The following TOX variants were observed in gnomAD, a reference collection of about 807,000 sequenced individuals.
The protein encoded by TOX is thymocyte selection-associated high mobility group box protein TOX.
Under a neutral mutation model 53.7 loss-of-function variants are expected in TOX, and 11 were observed. That is an observed-to-expected ratio of 0.20 (90% CI 0.13 to 0.34). The LOEUF (loss-of-function observed/expected upper bound fraction) is 0.34, where lower values mean the gene tolerates loss of function less well. Ranked by LOEUF, TOX falls within the 10% of genes least tolerant of loss-of-function variation. TOX has a pLI of 1.00. For synonymous variants in TOX, 225 were observed against 245.3 expected, an observed-to-expected ratio of 0.92 and a Z score of 0.77; for missense variants, 570 against 664.6, an observed-to-expected ratio of 0.86 and a Z score of 1.56.
chr8:58,936,497 C>T (rs1375635991), intron 3 of TOX, among the ~76,000 whole-genome samples: 2 of 152,104 alleles, frequency 1.3e-5, no homozygotes, highest in East Asian at 1.9e-4. Flanking sequence ...ATCATTTGAG[C>T]CTTTTCAAAC....
intron 3 of TOX, among the ~76,000 whole-genome samples, chr8:58,868,992 G>A (rs1452873175): frequency 2.0e-5 from 3 of 151,820 alleles, no homozygotes; most frequent in Non-Finnish European, 4.4e-5. Context: ...TGAAAGAGGA[G>A]CCATTAATAC....
intron 1 of TOX, among the ~76,000 whole-genome samples, chr8:59,038,994 G>A (rs944383501): frequency 5.3e-5 from 8 of 152,190 alleles, no homozygotes; most frequent in Non-Finnish European, 1.2e-4. Flanking sequence ...TTTGGCCTCA[G>A]GCAAAGGCAC....
At chr8:59,011,220 G>A (rs1190639396) in intron 1 of TOX, among the ~76,000 whole-genome samples, 4 of 152,160 alleles carry the variant, frequency 2.6e-5, no homozygotes, top group Admixed American at 6.5e-5. Flanking sequence ...AAGAGACCAA[G>A]GATTAGTCTG....
chr8:59,064,560 GT>G lies in TOX; in HGVS notation c.102+54325del, dbSNP rs559598362. On this transcript the variant is annotated intron_variant, in intron 1 of 8. Coordinates refer to ENST00000361421, the MANE Select transcript of TOX (RefSeq NM_014729.3). ...ATAATTCTAGAAATCTATTAATGTAGTTTTTTTCAAAAATAAACAAGCTTCT... is the reference window on the plus strand; with the variant it reads ...ATAATTCTAGAAATCTATTAATGTAGTTTTTTCAAAAATAAACAAGCTTCT... 2.7e-3 allele frequency among the ~76,000 whole-genome samples: 418 copies of G among 152,162 alleles called. 1 individual carries two copies. Among genetic ancestry groups the G allele is most frequent in the Middle Eastern group, 0.024 (7 of 292 alleles).
intron 2 of TOX, among the ~76,000 whole-genome samples, chr8:58,955,979 C>T (rs1298727440): frequency 6.6e-6 from 1 of 152,032 alleles, no homozygotes; most frequent in Non-Finnish European, 1.5e-5. Flanking sequence ...AGGTGATCCG[C>T]CCACTTCGGC....
chr8:59,017,327 A>AT (rs1429259045), intron 1 of TOX, among the ~76,000 whole-genome samples: 7 of 152,086 alleles, frequency 4.6e-5, no homozygotes, highest in Admixed American at 1.3e-4. Context: ...CTTTTTCTTT[A>AT]TTTTTTTAAA....
intron 3 of TOX, among the ~76,000 whole-genome samples, chr8:58,894,017 G>A (rs1236933606): frequency 2.6e-5 from 4 of 152,154 alleles, no homozygotes; most frequent in South Asian, 4.1e-4. Context: ...TATAAAAACC[G>A]TTTCCAAGTA....
In TOX at chr8:59,022,634, A is replaced by C. The variant is rs186953263; in HGVS notation, c.103-62626T>G. Among the ~76,000 whole-genome samples the C allele has an allele frequency of 5.9e-5, 9 of 152,274 alleles. No individual in the cohort carries two copies. The East Asian group carries it at 1.7e-3, about 29-fold the overall frequency. On this transcript the variant is annotated intron_variant, in intron 1 of 8. Coordinates refer to ENST00000361421, the MANE Select transcript of TOX (RefSeq NM_014729.3). The stretch of plus-strand genomic sequence containing the variant: ...GGATGATTGATTTGCTTTTGCTTAA[A>C]TTATTTCTGCTTCTTAAAACGTAGC...
chr8:58,964,712 C>T (rs556347459), intron 1 of TOX, among the ~76,000 whole-genome samples: 4 of 152,156 alleles, frequency 2.6e-5, no homozygotes, highest in African/African-American at 7.2e-5. Flanking sequence ...GGGGATAGAA[C>T]TAAGGTCTGG....
chr8:59,096,301 A>G (rs1804711341), intron 1 of TOX, among the ~76,000 whole-genome samples: 1 of 152,196 alleles, frequency 6.6e-6, no homozygotes, highest in South Asian at 2.1e-4. Flanking sequence ...CTGAATCCTT[A>G]TTATGCAGAG....
intron 1 of TOX, among the ~76,000 whole-genome samples, chr8:58,969,074 G>A (rs28637974): frequency 0.014 from 2,059 of 152,204 alleles, 59 homozygotes; most frequent in African/African-American, 0.047. Context: ...AAATTACATC[G>A]TGACTAAGTA....
intron 3 of TOX, among the ~76,000 whole-genome samples, chr8:58,872,466 G>A (rs78143738): frequency 0.069 from 10,483 of 151,356 alleles, 1,241 homozygotes; most frequent in African/African-American, 0.24. Context: ...GAAAGGGAGG[G>A]AAAAAAAAGA....
At chr8:59,108,804 A>T (rs1030257131) in intron 1 of TOX, among the ~76,000 whole-genome samples, 2 of 152,148 alleles carry the variant, frequency 1.3e-5, no homozygotes, top group African/African-American at 4.8e-5. Flanking sequence ...AAAAGCAAGG[A>T]TTACCTTCAA....
At chr8:58,934,266 C>T (rs1440469480) in intron 3 of TOX, among the ~76,000 whole-genome samples, 2 of 152,112 alleles carry the variant, frequency 1.3e-5, no homozygotes, top group African/African-American at 2.4e-5. Flanking sequence ...GGAATCCCTA[C>T]TAACAATAAA....
intron 3 of TOX, among the ~76,000 whole-genome samples, chr8:58,879,071 A>AC (rs1256602956): frequency 1.3e-5 from 2 of 151,750 alleles, no homozygotes; most frequent in Admixed American, 6.6e-5. Context: ...AAAAAAAAAA[A>AC]AACAAAAAAA....
chr8:58,898,116 T>C (rs1182801681), intron 3 of TOX, among the ~76,000 whole-genome samples: 2 of 152,206 alleles, frequency 1.3e-5, no homozygotes, highest in African/African-American at 4.8e-5. Context: ...ATACAGGATA[T>C]ATCTCATAAT....
At chr8:58,971,916 C>T (rs1174651727) in intron 1 of TOX, among the ~76,000 whole-genome samples, 1 of 152,194 alleles carries the variant, frequency 6.6e-6, no homozygotes, top group African/African-American at 2.4e-5. Context: ...GTCTTGAACT[C>T]CTGACCTTAG....
chr8:59,053,842 C>T (rs1351451538), intron 1 of TOX, among the ~76,000 whole-genome samples: 1 of 152,106 alleles, frequency 6.6e-6, no homozygotes, highest in Non-Finnish European at 1.5e-5. Flanking sequence ...TCTAGTAATT[C>T]AAGACCAAGC....
At chr8:58,998,368 G>T (rs1427787419) in intron 1 of TOX, among the ~76,000 whole-genome samples, 1 of 150,114 alleles carries the variant, frequency 6.7e-6, no homozygotes, top group Non-Finnish European at 1.5e-5. Flanking sequence ...ATGCACCTGT[G>T]ATACTAGCTA....
Sources: gnomAD v4.1 joint callset for allele counts (sites outside exome capture counted in the v4.1 genomes callset) on GRCh38, gnomAD v4.1.1 for gene constraint, MANE v1.5 for transcripts, NCBI Gene and HGNC (gene_info 2026-07-23, HGNC 2026-07-21) for gene names.